The following GLOD5 variants were observed in gnomAD, a reference collection of about 807,000 sequenced individuals.
GLOD5 encodes the protein glyoxalase domain containing 5, also known as glyoxalase domain-containing protein 5.
In GLOD5, 7 loss-of-function variants were observed where a neutral mutation model predicts 9.9. The ratio of observed to expected loss-of-function variants is 0.71; its 90% CI spans 0.40 to 1.33. The LOEUF is 1.33. Ranked by LOEUF, GLOD5 falls within the 40% of genes most tolerant of loss-of-function variation. The pLI is 0.01. For synonymous variants in GLOD5, 49 were observed against 47.3 expected, an observed-to-expected ratio of 1.04 and a Z score of -0.14; for missense variants, 146 against 128.4, an observed-to-expected ratio of 1.14 and a Z score of -0.66.
intron 3 of GLOD5, among the ~76,000 whole-genome samples, chrX:48,773,073 G>C (rs1357084409): frequency 9.1e-6 from 1 of 109,689 alleles, no homozygotes. Flanking sequence ...TCGTCTCTAT[G>C]AAAAATAGCT....
Position 48,773,377 on chromosome X carries a change from T to C in GLOD5, c.425T>C (p.Ile142Thr), listed in dbSNP as rs1557017681. ...RTGAKGPIMS[I>T]YFRDPDRNLI... ...GGGGCAAAAGGGCCTATCATGTCCA[T>C]CTACTTCCGAGACCCCGACAGAAAT... The change falls in exon 4 of 4, where the codon ATC becomes ACC. Residue 142 changes from isoleucine (I) to threonine (T), a missense_variant. Ile to Thr is a moderately conservative substitution (Grantham distance 89, BLOSUM62 -1). Transcript: ENST00000303227. 8 of 1,207,867 alleles carry C rather than the reference T, an allele frequency of 6.6e-6. No homozygotes were observed. Among genetic ancestry groups the C allele is most frequent in the Non-Finnish European group, 9.0e-6 (8 of 893,841 alleles).
intron 1 of GLOD5, among the ~76,000 whole-genome samples, chrX:48,764,915 TATAA>T (rs782715583): frequency 9.0e-6 from 1 of 111,416 alleles, no homozygotes; most frequent in South Asian, 3.8e-4. Flanking sequence ...GCATAGATAC[TATAA>T]ATATTCAAAT....
chrX:48,766,339 A>G (rs782790915), intron 2 of GLOD5: 27 of 135,307 alleles, frequency 2.0e-4, no homozygotes, highest in Non-Finnish European at 3.3e-4. Context: ...AAAGGAAAAA[A>G]AAACAAATAT....
At chrX:48,772,288 T>G (rs2147296913) in intron 3 of GLOD5, among the ~76,000 whole-genome samples, 1 of 109,643 alleles carries the variant, frequency 9.1e-6, no homozygotes, top group African/African-American at 3.3e-5. Flanking sequence ...GTAATCCCAG[T>G]GCTTTAGGAG....
intron 2 of GLOD5, 174 bp downstream of exon 2, chrX:48,766,146 A>G (rs1448054649): frequency 2.9e-5 from 13 of 441,758 alleles, no homozygotes; most frequent in Non-Finnish European, 4.6e-5. Flanking sequence ...GAATGGAGAA[A>G]AAAGAGAGGA....
chrX:48,765,189 GAA>G (rs1272705891), intron 1 of GLOD5, among the ~76,000 whole-genome samples: 1 of 110,697 alleles, frequency 9.0e-6, no homozygotes, highest in Non-Finnish European at 1.9e-5. Flanking sequence ...TCACTTCTTG[GAA>G]AAGAGATGAA....
intron 2 of GLOD5, among the ~76,000 whole-genome samples, chrX:48,767,556 T>C (rs961845625): frequency 6.3e-5 from 7 of 110,996 alleles, no homozygotes; most frequent in Non-Finnish European, 9.4e-5. Context: ...GGCCAGCCTA[T>C]AATCCCACAC....
At chrX:48,772,453 G>A (rs2062624904) in intron 3 of GLOD5, among the ~76,000 whole-genome samples, 1 of 111,051 alleles carries the variant, frequency 9.0e-6, no homozygotes, top group Admixed American at 9.7e-5. Flanking sequence ...GAGGTGGGAG[G>A]ATCGTTTGAG....
intron 1 of GLOD5, among the ~76,000 whole-genome samples, chrX:48,765,003 G>A (rs1488918201): frequency 9.0e-6 from 1 of 111,316 alleles, no homozygotes; most frequent in African/African-American, 3.3e-5. Context: ...AGGTTGGGGA[G>A]TGGTCCTCCC....
chrX:48,771,108 C>G (rs782340065), intron 3 of GLOD5, 26 bp downstream of exon 3: 10 of 1,127,030 alleles, frequency 8.9e-6, no homozygotes, highest in Non-Finnish European at 1.2e-5. Context: ...CTTCTTTTTG[C>G]AAAAGCTGCT....
intron 1 of GLOD5, 44 bp downstream of exon 1, chrX:48,761,897 A>G: frequency 1.0e-6 from 1 of 1,000,929 alleles, no homozygotes; most frequent in Non-Finnish European, 1.4e-6. Context: ...GGGTGTTGGC[A>G]CTGAAACTGG....
At chrX:48,772,362 CCT>C (rs1484229040) in intron 3 of GLOD5, among the ~76,000 whole-genome samples, 1 of 110,467 alleles carries the variant, frequency 9.1e-6, no homozygotes, top group African/African-American at 3.3e-5. Context: ...ATGGCGAGAC[CCT>C]GTGTCTACAT....
At chrX:48,770,636 G>T (rs1239965976) in intron 2 of GLOD5, among the ~76,000 whole-genome samples, 1 of 111,564 alleles carries the variant, frequency 9.0e-6, no homozygotes, top group Non-Finnish European at 1.9e-5. Context: ...AATTTCTGTT[G>T]TGTTTATAAG....
In GLOD5 at chrX:48,762,781, C is replaced by G. The variant is rs781933902; in HGVS notation, c.63+928C>G. On this transcript the variant is annotated intron_variant, in intron 1 of 3. Coordinates refer to ENST00000303227, the MANE Select transcript of GLOD5 (RefSeq NM_001080489.3). ...CTTGATCATCATTTTATAAAGCAGGCTTTGTAACTTCACCTCCAAGAGTCT... is the reference window on the plus strand; with the variant it reads ...CTTGATCATCATTTTATAAAGCAGGGTTTGTAACTTCACCTCCAAGAGTCT... 7.2e-5 allele frequency among the ~76,000 whole-genome samples: 8 copies of G among 111,260 alleles called. No homozygotes were observed. The South Asian group carries it at 1.9e-3, about 26-fold the overall frequency.
At chrX:48,769,973 CAAAA>C (rs55716581) in intron 2 of GLOD5, among the ~76,000 whole-genome samples, 2 of 42,428 alleles carry the variant, frequency 4.7e-5, no homozygotes, top group Admixed American at 3.0e-4. Flanking sequence ...GACTCTGTCT[CAAAA>C]AAAAAAAAAA....
chrX:48,772,172 G>A (rs782229521), intron 3 of GLOD5, among the ~76,000 whole-genome samples: 2 of 110,694 alleles, frequency 1.8e-5, no homozygotes, highest in Admixed American at 1.9e-4. Flanking sequence ...AGGAGGTGGA[G>A]GCTACAGTGA....
At chrX:48,762,905 G>A (rs1300847761) in intron 1 of GLOD5, among the ~76,000 whole-genome samples, 1 of 111,863 alleles carries the variant, frequency 8.9e-6, no homozygotes, top group African/African-American at 3.2e-5. Flanking sequence ...AGCCATCCCT[G>A]CTCGTCCTTG....
chrX:48,772,497 C>T (rs782083723), intron 3 of GLOD5, among the ~76,000 whole-genome samples: 1 of 111,376 alleles, frequency 9.0e-6, no homozygotes, highest in Non-Finnish European at 1.9e-5. Context: ...TGTGATCGCA[C>T]CACTCCATTC....
At chrX:48,767,199 G>T (rs2062611831) in intron 2 of GLOD5, among the ~76,000 whole-genome samples, 1 of 107,877 alleles carries the variant, frequency 9.3e-6, no homozygotes, top group Non-Finnish European at 1.9e-5. Flanking sequence ...CTACCCTTGA[G>T]AATTTGGAAT....
Sources: gnomAD v4.1 joint callset for allele counts (sites outside exome capture counted in the v4.1 genomes callset) on GRCh38, gnomAD v4.1.1 for gene constraint, MANE v1.5 for transcripts, NCBI Gene and HGNC (gene_info 2026-07-23, HGNC 2026-07-21) for gene names.